The following SNX13 variants were observed in gnomAD, a reference collection of about 807,000 sequenced individuals.
The protein encoded by SNX13 is sorting nexin 13.
In SNX13, 45 loss-of-function variants were observed where a neutral mutation model predicts 133.6. That is an observed-to-expected ratio of 0.34 (90% CI 0.27 to 0.43). SNX13 has a LOEUF of 0.43. Ranked by LOEUF, SNX13 falls within the 20% of genes least tolerant of loss-of-function variation. The pLI is 1.00. For missense variants in SNX13, 1,032 were observed against 1,145.1 expected (o/e 0.90, Z 1.43); for synonymous variants, 414 against 373.9 (o/e 1.11, Z -1.24).
At chr7:17,809,687 G>A (rs886220842) in intron 20 of SNX13, among the ~76,000 whole-genome samples, 9 of 152,150 alleles carry the variant, frequency 5.9e-5, no homozygotes, top group East Asian at 1.9e-4. Context: ...GCACCACATC[G>A]CACTTATTCT....
intron 1 of SNX13, among the ~76,000 whole-genome samples, chr7:17,919,551 T>C (rs756873222): frequency 6.6e-6 from 1 of 152,144 alleles, no homozygotes; most frequent in Non-Finnish European, 1.5e-5. Flanking sequence ...CTACAAATAG[T>C]CTGAAACTGT....
chr7:17,889,907 T>C (rs541986137), intron 5 of SNX13: 2 of 152,656 alleles, frequency 1.3e-5, no homozygotes, highest in East Asian at 3.9e-4. Context: ...GTTCCTTTGG[T>C]CCCTTCTCGT....
At chr7:17,879,767 G>C (rs1011775333) in intron 5 of SNX13, 5 of 152,180 alleles carry the variant, frequency 3.3e-5, no homozygotes, top group African/African-American at 1.2e-4. Context: ...GCACTGGACT[G>C]ACACAGATGC....
intron 17 of SNX13, among the ~76,000 whole-genome samples, chr7:17,824,828 G>A (rs1046880796): frequency 6.0e-5 from 9 of 151,024 alleles, no homozygotes; most frequent in African/African-American, 2.2e-4. Flanking sequence ...AAAGTGCAGT[G>A]GTGTGATCTC....
chr7:17,934,060 G>A (rs1411173482), intron 1 of SNX13, among the ~76,000 whole-genome samples: 1 of 152,146 alleles, frequency 6.6e-6, no homozygotes, highest in East Asian at 1.9e-4. Flanking sequence ...GTTGCCATAT[G>A]TATAATTTGT....
At chr7:17,905,110 A>G (rs1214639948) in intron 1 of SNX13, among the ~76,000 whole-genome samples, 1 of 152,218 alleles carries the variant, frequency 6.6e-6, no homozygotes, top group Admixed American at 6.5e-5. Context: ...ATACAATGCT[A>G]TATACTCCTA....
chr7:17,819,113 C>T (rs998773430), intron 18 of SNX13, among the ~76,000 whole-genome samples: 1 of 152,136 alleles, frequency 6.6e-6, no homozygotes, highest in African/African-American at 2.4e-5. Context: ...CAGCTCAGGC[C>T]ATTTCCAAAA....
At position 17,927,139 on chromosome 7, in the gene SNX13, T is replaced by C. The variant is rs186163054; in HGVS notation, c.12+13145A>G. Reference sequence around the variant, plus strand: ...AAATATAAACTATGCTCTTGACATTTTTGACATATATATACATTACATATA... The same window carrying C: ...AAATATAAACTATGCTCTTGACATTCTTGACATATATATACATTACATATA... On this transcript the variant is annotated intron_variant, in intron 1 of 25. Coordinates refer to ENST00000428135, the MANE Select transcript of SNX13 (RefSeq NM_015132.5). Among the ~76,000 whole-genome samples, 366 of 151,460 alleles carry C rather than the reference T, an allele frequency of 2.4e-3. 1 individual carries two copies. The highest frequency in any genetic ancestry group is 5.6e-3 in the South Asian group (27 of 4,822).
At chr7:17,914,469 C>A (rs1799332287) in intron 1 of SNX13, among the ~76,000 whole-genome samples, 1 of 152,098 alleles carries the variant, frequency 6.6e-6, no homozygotes, top group Non-Finnish European at 1.5e-5. Context: ...ATCTTCAAGG[C>A]AGCTAGAGAA....
chr7:17,923,474 G>C (rs1800361869), intron 1 of SNX13, among the ~76,000 whole-genome samples: 1 of 152,122 alleles, frequency 6.6e-6, no homozygotes, highest in African/African-American at 2.4e-5. Flanking sequence ...GAGGCAGCTG[G>C]ACCAAAAACA....
At chr7:17,807,898 A>G (rs535375438) in intron 20 of SNX13, among the ~76,000 whole-genome samples, 28 of 152,354 alleles carry the variant, frequency 1.8e-4, no homozygotes, top group African/African-American at 6.3e-4. Flanking sequence ...ACAAACAGAA[A>G]GGAACAGCAT....
rs1790866313 is a variant in SNX13, at chr7:17,848,855, AG to A, written c.1065+1491del. On this transcript the variant is annotated intron_variant, in intron 11 of 25. Coordinates refer to ENST00000428135, the MANE Select transcript of SNX13 (RefSeq NM_015132.5). ...CTGTTGCAAGTCCTGCGAAGGGGTC[AG>A]GGAAGTACCCTGCTTCAATATCACA... Among the ~76,000 whole-genome samples the A allele has an allele frequency of 9.8e-5, 15 of 152,348 alleles. No homozygotes were observed. The South Asian group carries it at 3.1e-3, about 32-fold the overall frequency.
At chr7:17,920,937 C>A (rs1800059289) in intron 1 of SNX13, among the ~76,000 whole-genome samples, 1 of 152,154 alleles carries the variant, frequency 6.6e-6, no homozygotes, top group African/African-American at 2.4e-5. Context: ...GCTTTGCCAT[C>A]ATTTGGTGCA....
At chr7:17,819,311 A>C (rs988435923) in intron 18 of SNX13, among the ~76,000 whole-genome samples, 2 of 152,052 alleles carry the variant, frequency 1.3e-5, no homozygotes, top group African/African-American at 4.8e-5. Context: ...CTGAGATCTC[A>C]GCTCACTGCA....
intron 1 of SNX13, among the ~76,000 whole-genome samples, chr7:17,931,578 T>C (rs1801393918): frequency 1.3e-5 from 2 of 152,144 alleles, no homozygotes; most frequent in Admixed American, 1.3e-4. Flanking sequence ...CCCCCAAATT[T>C]CAGGTATAAT....
intron 22 of SNX13, among the ~76,000 whole-genome samples, chr7:17,801,024 A>ATATATATATACG (rs1562652083): frequency 1.8e-4 from 3 of 16,264 alleles, no homozygotes; most frequent in African/African-American, 4.6e-4. Context: ...ATATATATAT[A>ATATATATATACG]TATATATATA....
intron 22 of SNX13, among the ~76,000 whole-genome samples, chr7:17,800,983 A>C (rs1784545274): frequency 1.1e-5 from 1 of 93,992 alleles, no homozygotes; most frequent in East Asian, 3.5e-4. Flanking sequence ...TTGAAAAAGT[A>C]CTTGGCAGTA....
At chr7:17,914,858 C>T (rs1379044217) in intron 1 of SNX13, among the ~76,000 whole-genome samples, 2 of 152,166 alleles carry the variant, frequency 1.3e-5, no homozygotes, top group African/African-American at 2.4e-5. Flanking sequence ...ATGGCAGGAA[C>T]AAAACCTCAC....
chr7:17,910,840 T>C (rs1798892683), intron 1 of SNX13, among the ~76,000 whole-genome samples: 1 of 152,148 alleles, frequency 6.6e-6, no homozygotes, highest in South Asian at 2.1e-4. Flanking sequence ...ATATCCAGAA[T>C]ACATAAATCC....
Sources: allele counts gnomAD v4.1 joint callset (sites outside exome capture counted in the v4.1 genomes callset), GRCh38; gene constraint gnomAD v4.1.1; transcripts MANE v1.5; gene names NCBI Gene and HGNC (gene_info 2026-07-23, HGNC 2026-07-21).